The following DENND1A variants were observed in gnomAD, a reference collection of about 807,000 sequenced individuals.
DENND1A encodes DENN domain-containing protein 1A.
DENND1A carries 51 observed loss-of-function variants against 113.7 expected under a neutral mutation model. The ratio of observed to expected loss-of-function variants is 0.45; its 90% CI spans 0.36 to 0.57. DENND1A has a LOEUF of 0.57. Ranked by LOEUF, DENND1A falls within the 20% of genes least tolerant of loss-of-function variation. DENND1A has a pLI of 0.00. For synonymous variants in DENND1A, 565 were observed against 570.8 expected, an observed-to-expected ratio of 0.99 and a Z score of 0.14; for missense variants, 1,258 against 1,395.9, an observed-to-expected ratio of 0.90 and a Z score of 1.57.
intron 1 of DENND1A, among the ~76,000 whole-genome samples, chr9:123,902,623 T>C (rs999956546): frequency 6.6e-6 from 1 of 152,028 alleles, no homozygotes; most frequent in Admixed American, 6.6e-5. Flanking sequence ...TCAAAAAACA[T>C]TGCAAATGAG....
chr9:123,781,627 A>G (rs1831334280), intron 3 of DENND1A, among the ~76,000 whole-genome samples: 1 of 152,218 alleles, frequency 6.6e-6, no homozygotes, highest in South Asian at 2.1e-4. Context: ...CCAATTCTAC[A>G]AAGTTAGTAT....
intron 13 of DENND1A, among the ~76,000 whole-genome samples, chr9:123,468,628 T>G (rs1187180059): frequency 2.0e-5 from 3 of 152,186 alleles, no homozygotes; most frequent in Non-Finnish European, 2.9e-5. Context: ...TCTGACGGCT[T>G]CTTCTTACAG....
chr9:123,655,990 G>A (rs192657153), intron 8 of DENND1A, among the ~76,000 whole-genome samples: 2 of 152,344 alleles, frequency 1.3e-5, no homozygotes, highest in East Asian at 3.9e-4. Context: ...ACTCTGGGGT[G>A]GGAGGGACAT....
chr9:123,885,207 T>C (rs570362302), intron 1 of DENND1A, among the ~76,000 whole-genome samples: 2 of 152,296 alleles, frequency 1.3e-5, no homozygotes, highest in Admixed American at 1.3e-4. Flanking sequence ...TGATGCCCAG[T>C]CTATATCGCA....
intron 11 of DENND1A, among the ~76,000 whole-genome samples, chr9:123,585,365 G>T (rs1322638876): frequency 2.0e-5 from 3 of 152,196 alleles, no homozygotes; most frequent in African/African-American, 7.2e-5. Flanking sequence ...AGATATCAGC[G>T]AATGGACAAC....
intron 5 of DENND1A, among the ~76,000 whole-genome samples, chr9:123,739,836 T>A (rs117451488): frequency 0.057 from 8,705 of 151,560 alleles, 369 homozygotes; most frequent in Middle Eastern, 0.12. Flanking sequence ...TAAAATAAAA[T>A]CTGACAAAAA....
At chr9:123,889,337 C>T (rs2133741002) in intron 1 of DENND1A, among the ~76,000 whole-genome samples, 1 of 152,210 alleles carries the variant, frequency 6.6e-6, no homozygotes, top group Admixed American at 6.5e-5. Context: ...TGAGAAAGTG[C>T]TTTGTAAACT....
intron 8 of DENND1A, among the ~76,000 whole-genome samples, chr9:123,656,384 A>G (rs981788728): frequency 1.3e-5 from 2 of 152,216 alleles, no homozygotes; most frequent in African/African-American, 4.8e-5. Flanking sequence ...AGGAGGCAGG[A>G]CAGTCAACTA....
chr9:123,667,909 G>A (rs1022795616), intron 7 of DENND1A, among the ~76,000 whole-genome samples: 1 of 152,126 alleles, frequency 6.6e-6, no homozygotes, highest in African/African-American at 2.4e-5. Context: ...TAAGAGTGGA[G>A]AAATTCTGCC....
intron 1 of DENND1A, among the ~76,000 whole-genome samples, chr9:123,886,560 C>CA (rs768942946): frequency 1.2e-4 from 19 of 152,148 alleles, no homozygotes; most frequent in Non-Finnish European, 2.6e-4. Context: ...ACAACATGGT[C>CA]AAAAGAAACT....
chr9:123,555,881 A>G (rs1178093575), intron 13 of DENND1A, among the ~76,000 whole-genome samples: 1 of 152,172 alleles, frequency 6.6e-6, no homozygotes, highest in Non-Finnish European at 1.5e-5. Flanking sequence ...ACAGGCCAAC[A>G]ATGAGATCAC....
chr9:123,474,484 C>T (rs1466732768), intron 13 of DENND1A, among the ~76,000 whole-genome samples: 1 of 152,122 alleles, frequency 6.6e-6, no homozygotes, highest in Non-Finnish European at 1.5e-5. Context: ...ATATTTTAAG[C>T]AAAAAGCTCA....
At chr9:123,558,705 C>T (rs537539260) in intron 12 of DENND1A, among the ~76,000 whole-genome samples, 3 of 152,254 alleles carry the variant, frequency 2.0e-5, no homozygotes, top group Admixed American at 6.5e-5. Flanking sequence ...GTGGCTGTTG[C>T]CCTCAACATC....
At chr9:123,884,259 C>T (rs1848707910) in intron 1 of DENND1A, among the ~76,000 whole-genome samples, 1 of 152,078 alleles carries the variant, frequency 6.6e-6, no homozygotes, top group South Asian at 2.1e-4. Flanking sequence ...ATATTTTTAA[C>T]TTTTTGGCTA....
At chr9:123,693,930 C>T (rs563424921) in intron 5 of DENND1A, among the ~76,000 whole-genome samples, 1 of 151,452 alleles carries the variant, frequency 6.6e-6, no homozygotes, top group South Asian at 2.1e-4. Flanking sequence ...CAGGTTCCAG[C>T]AATCCTCCTG....
chr9:123,423,543 A>AC, intron 19 of DENND1A, among the ~76,000 whole-genome samples: 1 of 151,920 alleles, frequency 6.6e-6, no homozygotes, highest in South Asian at 2.1e-4. Context: ...GTGCAGGAGG[A>AC]CCCCCTCCCT....
chr9:123,897,604 G>A (rs1224693650), intron 1 of DENND1A, among the ~76,000 whole-genome samples: 1 of 152,140 alleles, frequency 6.6e-6, no homozygotes, highest in African/African-American at 2.4e-5. Context: ...GGCAAGAGAG[G>A]GCAGTTCAAG....
At chr9:123,903,933 A>T (rs1852242276) in intron 1 of DENND1A, among the ~76,000 whole-genome samples, 1 of 152,178 alleles carries the variant, frequency 6.6e-6, no homozygotes, top group Non-Finnish European at 1.5e-5. Flanking sequence ...ACAGACAAAC[A>T]AAAAGACAGC....
intron 7 of DENND1A, among the ~76,000 whole-genome samples, chr9:123,668,251 C>G (rs1207805446): frequency 6.6e-6 from 1 of 152,066 alleles, no homozygotes. Context: ...AGTTATCCAC[C>G]CCAACCCCCA....
Sources: gnomAD v4.1 joint callset for allele counts (sites outside exome capture counted in the v4.1 genomes callset) on GRCh38, gnomAD v4.1.1 for gene constraint, MANE v1.5 for transcripts, NCBI Gene and HGNC (gene_info 2026-07-23, HGNC 2026-07-21) for gene names.